GALNT7: variants seen among roughly 807,000 people sequenced by gnomAD.
The protein encoded by GALNT7 is polypeptide N-acetylgalactosaminyltransferase 7.
A neutral mutation model predicts 82.1 loss-of-function variants in GALNT7; 60 were observed. That is an observed-to-expected ratio of 0.73 (90% confidence interval 0.59 to 0.91). The LOEUF (loss-of-function observed/expected upper bound fraction) is 0.91. Among genes scored for constraint, GALNT7 ranks in the 40% least tolerant of loss-of-function variants. GALNT7 has a pLI of 0.00. For synonymous variants in GALNT7, 243 were observed against 275.1 expected (o/e 0.88, Z 1.15); for missense variants, 660 against 804.2 (o/e 0.82, Z 2.17).
chr4:173,169,068 C>A, intron 1 of GALNT7, 107 bp downstream of exon 1: 1 of 1,057,692 alleles, frequency 9.5e-7, no homozygotes, highest in Non-Finnish European at 1.3e-6. Context: ...GGCGTGGGCA[C>A]CGCAGCTCCG....
chr4:173,216,355 A>C (rs1733462543), intron 1 of GALNT7, among the ~76,000 whole-genome samples: 1 of 152,148 alleles, frequency 6.6e-6, no homozygotes, highest in South Asian at 2.1e-4. Flanking sequence ...TAAAATAGAT[A>C]AGTACAATAG....
intron 2 of GALNT7, among the ~76,000 whole-genome samples, chr4:173,266,027 G>A (rs1034957545): frequency 4.6e-5 from 7 of 152,126 alleles, no homozygotes; most frequent in African/African-American, 1.4e-4. Flanking sequence ...GAAGGATGAA[G>A]CAAATGGATC....
At chr4:173,289,158 A>G (rs1371263646) in intron 2 of GALNT7, among the ~76,000 whole-genome samples, 1 of 152,102 alleles carries the variant, frequency 6.6e-6, no homozygotes, top group African/African-American at 2.4e-5. Flanking sequence ...AATCCCATGC[A>G]ATGTCTGGGC....
intron 1 of GALNT7, among the ~76,000 whole-genome samples, chr4:173,233,591 T>A (rs1181504796): frequency 6.6e-6 from 1 of 152,236 alleles, no homozygotes. Context: ...TAATTCAGAC[T>A]GCAGTGGTTG....
intron 2 of GALNT7, among the ~76,000 whole-genome samples, chr4:173,265,326 C>A (rs964333684): frequency 6.6e-6 from 1 of 152,180 alleles, no homozygotes; most frequent in Non-Finnish European, 1.5e-5. Context: ...AAGAAGTGAC[C>A]TTTCCAGAGC....
chr4:173,308,874 G>A (rs1737264869), intron 8 of GALNT7, among the ~76,000 whole-genome samples: 2 of 152,332 alleles, frequency 1.3e-5, no homozygotes, highest in South Asian at 4.1e-4. Flanking sequence ...CTGCACTCCA[G>A]CCTGGGCAAC....
At chr4:173,321,185 A>G (rs1199314076) in intron 11 of GALNT7, among the ~76,000 whole-genome samples, 2 of 152,174 alleles carry the variant, frequency 1.3e-5, no homozygotes, top group African/African-American at 4.8e-5. Context: ...AACCAGAGAC[A>G]TTGCACATAT....
intron 1 of GALNT7, among the ~76,000 whole-genome samples, chr4:173,242,603 G>A (rs1284620895): frequency 1.3e-5 from 2 of 152,200 alleles, no homozygotes; most frequent in Admixed American, 6.5e-5. Flanking sequence ...TGCAGTCATC[G>A]CTCAGTGCTC....
chr4:173,178,118 A>G (rs1010258898), intron 1 of GALNT7, among the ~76,000 whole-genome samples: 6 of 150,094 alleles, frequency 4.0e-5, no homozygotes, highest in African/African-American at 1.3e-4. Flanking sequence ...ATATAATACT[A>G]TATAAGATAG....
At chr4:173,178,048 T>C (rs77597154) in intron 1 of GALNT7, among the ~76,000 whole-genome samples, 23,793 of 113,096 alleles carry the variant, frequency 0.21, 2,120 homozygotes, top group Middle Eastern at 0.29. Context: ...TGTGTGTGTG[T>C]GTGTGCGCGC....
intron 1 of GALNT7, among the ~76,000 whole-genome samples, chr4:173,201,583 C>T (rs1248794411): frequency 6.6e-6 from 1 of 152,122 alleles, no homozygotes; most frequent in Non-Finnish European, 1.5e-5. Flanking sequence ...ACCAGTAAGT[C>T]ATTTTCGGTT....
chr4:173,178,592 G>C (rs1401460118), intron 1 of GALNT7, among the ~76,000 whole-genome samples: 1 of 152,168 alleles, frequency 6.6e-6, no homozygotes, highest in Non-Finnish European at 1.5e-5. Context: ...AGCCTTGGAA[G>C]CATTTTCAGG....
chr4:173,176,596 G>C (rs935151744), intron 1 of GALNT7, among the ~76,000 whole-genome samples: 14 of 152,322 alleles, frequency 9.2e-5, no homozygotes, highest in Non-Finnish European at 7.3e-5. Context: ...GACAAAAACT[G>C]TATTAGTTAA....
At chr4:173,205,334 C>G (rs1272269841) in intron 1 of GALNT7, among the ~76,000 whole-genome samples, 1 of 151,386 alleles carries the variant, frequency 6.6e-6, no homozygotes, top group Non-Finnish European at 1.5e-5. Context: ...CAGAGGCTGA[C>G]CACGTACTGG....
At chr4:173,204,574 G>C (rs1275945530) in intron 1 of GALNT7, among the ~76,000 whole-genome samples, 1 of 151,836 alleles carries the variant, frequency 6.6e-6, no homozygotes, top group Non-Finnish European at 1.5e-5. Context: ...TTTTACTTCT[G>C]CTTGAGCAGT....
Position 173,295,428 on chromosome 4 carries a change from A to C in GALNT7, c.787A>C (p.Lys263Gln), listed in dbSNP as rs1018054950. Reference sequence around the variant, plus strand: ...AAAAGAAAAACTGGATGAATATATTAAGCTGTGGAATGGCCTAGTGAAGGT... The same window carrying C: ...AAAAGAAAAACTGGATGAATATATTCAGCTGTGGAATGGCCTAGTGAAGGT... Reference protein sequence around the residue: ...HLKEKLDEYIKLWNGLVKVFR... With the variant: ...HLKEKLDEYIQLWNGLVKVFR... The change falls in exon 4 of 12, where the codon AAG becomes CAG. Residue 263 changes from lysine to glutamine, a missense_variant. This residue lies in a region of GALNT7 where 527 missense variants were observed against 683.5 expected (regional missense o/e 0.77). Coordinates refer to ENST00000265000, the MANE Select transcript of GALNT7 (RefSeq NM_017423.3). 1.3e-6 allele frequency: 2 copies of C among 1,596,952 alleles called. No homozygotes were observed. The highest frequency in any genetic ancestry group is 1.3e-5 in the African/African-American group (1 of 74,518).
chr4:173,204,411 A>G (rs930583745), intron 1 of GALNT7, among the ~76,000 whole-genome samples: 1 of 152,144 alleles, frequency 6.6e-6, no homozygotes, highest in African/African-American at 2.4e-5. Context: ...TTACTTCTTT[A>G]AATAAGCTTA....
chr4:173,183,678 A>T (rs1290968047), intron 1 of GALNT7, among the ~76,000 whole-genome samples: 1 of 152,058 alleles, frequency 6.6e-6, no homozygotes, highest in Admixed American at 6.5e-5. Flanking sequence ...CACCTCCCAG[A>T]CGGGGCGGCC....
intron 2 of GALNT7, among the ~76,000 whole-genome samples, chr4:173,280,565 C>G (rs1237411563): frequency 6.6e-6 from 1 of 152,164 alleles, no homozygotes; most frequent in Non-Finnish European, 1.5e-5. Flanking sequence ...AGCCTGTAAT[C>G]TGAATGTGAG....
Sources: gnomAD v4.1 joint callset for allele counts (sites outside exome capture counted in the v4.1 genomes callset) on GRCh38, gnomAD v4.1.1 for gene constraint, gnomAD v4.1.1 regional missense constraint, MANE v1.5 for transcripts, NCBI Gene and HGNC (gene_info 2026-07-23, HGNC 2026-07-21) for gene names.